The following LEKR1 variants were observed in gnomAD, a reference collection of about 807,000 sequenced individuals.
The protein encoded by LEKR1 is leucine, glutamate and lysine rich 1.
Under a neutral mutation model 72.4 loss-of-function variants are expected in LEKR1, and 59 were observed. The ratio of observed to expected loss-of-function variants is 0.82; its 90% confidence interval spans 0.66 to 1.01. The LOEUF (loss-of-function observed/expected upper bound fraction) is 1.01, where lower values mean the gene tolerates loss of function less well. Among genes scored for constraint, LEKR1 ranks in the 50% least tolerant of loss-of-function variants. The probability of loss-of-function intolerance (pLI) is 0.00; values close to 1 mark genes in which losing one functional copy is unlikely to be tolerated. For missense variants in LEKR1, 728 were observed against 759.2 expected, an observed-to-expected ratio of 0.96 and a Z score of 0.48; for synonymous variants, 257 against 263.2, an observed-to-expected ratio of 0.98 and a Z score of 0.23.
At chr3:156,900,872 G>T (rs145443351) in intron 3 of LEKR1, among the ~76,000 whole-genome samples, 32 of 152,236 alleles carry the variant, frequency 2.1e-4, no homozygotes, top group African/African-American at 7.7e-4. Context: ...CTTGTTGAAT[G>T]ATTCGGCATT....
intron 3 of LEKR1, among the ~76,000 whole-genome samples, chr3:156,913,976 T>C (rs1308565114): frequency 6.6e-6 from 1 of 152,212 alleles, no homozygotes; most frequent in Non-Finnish European, 1.5e-5. Context: ...TTTTCTTTAC[T>C]GAAGTATTTT....
intron 6 of LEKR1, among the ~76,000 whole-genome samples, chr3:156,946,558 A>G (rs934742546): frequency 1.3e-5 from 2 of 151,440 alleles, no homozygotes; most frequent in Non-Finnish European, 3.0e-5. Context: ...CCTGCTCAGT[A>G]TGATACTAAA....
intron 3 of LEKR1, among the ~76,000 whole-genome samples, chr3:156,880,448 A>G (rs1719156826): frequency 6.6e-6 from 1 of 152,246 alleles, no homozygotes; most frequent in Non-Finnish European, 1.5e-5. Context: ...AGACTAAACC[A>G]GTAAGAAGTT....
At chr3:156,899,277 T>TATATACATATATACAC (rs1463412916) in intron 3 of LEKR1, among the ~76,000 whole-genome samples, 1 of 146,658 alleles carries the variant, frequency 6.8e-6, no homozygotes, top group African/African-American at 2.5e-5. Flanking sequence ...CACACATGTA[T>TATATACATATATACAC]ATATATACAT....
At position 156,844,438 on chromosome 3, in the gene LEKR1, C is replaced by T. The variant is rs187072215; in HGVS notation, c.49-8330C>T. Among the ~76,000 whole-genome samples, 199 of 152,188 alleles carry T rather than the reference C, an allele frequency of 1.3e-3. 1 individual carries two copies. The highest frequency in any genetic ancestry group is 3.2e-4 in the Non-Finnish European group (22 of 67,964). ...ATAACCAGGATATTGACAATTGATA[C>T]AGTCAAGATACAGAACACTTTCATC... On this transcript the variant is annotated intron_variant, in intron 2 of 12. Coordinates refer to ENST00000356539, the MANE Select transcript of LEKR1 (RefSeq NM_001004316.3).
intron 10 of LEKR1, among the ~76,000 whole-genome samples, chr3:157,018,074 T>A (rs774265314): frequency 2.2e-4 from 33 of 151,926 alleles, no homozygotes; most frequent in African/African-American, 7.7e-4. Context: ...TATTTAATAA[T>A]GACAAAGGGA....
chr3:157,023,302 G>A (rs1560153604), intron 10 of LEKR1, among the ~76,000 whole-genome samples: 1 of 152,112 alleles, frequency 6.6e-6, no homozygotes, highest in Non-Finnish European at 1.5e-5. Context: ...AATGACTCCA[G>A]TTCTAATAGA....
At chr3:156,974,960 G>A (rs1049222552) in intron 6 of LEKR1, among the ~76,000 whole-genome samples, 2 of 152,136 alleles carry the variant, frequency 1.3e-5, no homozygotes, top group East Asian at 3.8e-4. Flanking sequence ...GAGATTCAGG[G>A]CAGAAGTGGA....
chr3:156,883,959 A>C (rs1343717120), intron 3 of LEKR1, among the ~76,000 whole-genome samples: 5 of 152,160 alleles, frequency 3.3e-5, no homozygotes, highest in African/African-American at 9.7e-5. Flanking sequence ...TGGGAGTTCC[A>C]GTGTTAGGTA....
intron 7 of LEKR1, among the ~76,000 whole-genome samples, chr3:156,985,323 T>TTAAGA (rs1418782478): frequency 6.6e-6 from 1 of 152,102 alleles, no homozygotes; most frequent in Non-Finnish European, 1.5e-5. Context: ...GATCTTTAAG[T>TTAAGA]TAAGATATGA....
chr3:156,934,815 A>ATG (rs200738487), intron 5 of LEKR1, among the ~76,000 whole-genome samples: 4,811 of 152,206 alleles, frequency 0.032, 108 homozygotes, highest in Non-Finnish European at 0.047. Flanking sequence ...ATATATATAT[A>ATG]TACATACATA....
chr3:156,867,729 C>A (rs1299915359), intron 3 of LEKR1, among the ~76,000 whole-genome samples: 1 of 151,962 alleles, frequency 6.6e-6, no homozygotes, highest in African/African-American at 2.4e-5. Flanking sequence ...TCTTAAGTCT[C>A]AGCTTTTAAA....
chr3:156,882,557 G>A (rs1023993406), intron 3 of LEKR1, among the ~76,000 whole-genome samples: 3 of 152,110 alleles, frequency 2.0e-5, no homozygotes, highest in Admixed American at 6.5e-5. Flanking sequence ...GTTGGTGGGA[G>A]TGTAAACTAG....
chr3:156,990,764 A>C (rs563170603), intron 7 of LEKR1, among the ~76,000 whole-genome samples: 179 of 152,318 alleles, frequency 1.2e-3, no homozygotes, highest in Non-Finnish European at 2.2e-3. Flanking sequence ...TTATGTCATC[A>C]TCTTTTGTAA....
At chr3:156,905,171 C>G (rs764502747) in intron 3 of LEKR1, among the ~76,000 whole-genome samples, 1 of 152,018 alleles carries the variant, frequency 6.6e-6, no homozygotes, top group East Asian at 1.9e-4. Flanking sequence ...TATTGAACTC[C>G]CTTACCTGTT....
intron 6 of LEKR1, among the ~76,000 whole-genome samples, chr3:156,967,670 G>A (rs1171115367): frequency 6.6e-6 from 1 of 152,154 alleles, no homozygotes; most frequent in East Asian, 1.9e-4. Flanking sequence ...GAAAGTGATG[G>A]GGAGAATGGA....
chr3:156,931,428 T>C (rs1460154078), intron 5 of LEKR1, among the ~76,000 whole-genome samples: 1 of 152,094 alleles, frequency 6.6e-6, no homozygotes, highest in Non-Finnish European at 1.5e-5. Flanking sequence ...TTAGAGAAAA[T>C]ATCTGACAGT....
chr3:156,957,292 A>T (rs952978810), intron 6 of LEKR1, among the ~76,000 whole-genome samples: 5 of 152,090 alleles, frequency 3.3e-5, no homozygotes, highest in African/African-American at 1.2e-4. Context: ...GTGTAAAAAG[A>T]ATCCACAAAA....
At chr3:157,018,292 T>G (rs1299648163) in intron 10 of LEKR1, among the ~76,000 whole-genome samples, 1 of 152,176 alleles carries the variant, frequency 6.6e-6, no homozygotes, top group African/African-American at 2.4e-5. Flanking sequence ...ATAAATTTAT[T>G]AACAGATATA....
Sources: allele counts gnomAD v4.1 joint callset (sites outside exome capture counted in the v4.1 genomes callset), GRCh38; gene constraint gnomAD v4.1.1; transcripts MANE v1.5; gene names NCBI Gene and HGNC (gene_info 2026-07-23, HGNC 2026-07-21).